The following TESK2 variants were observed in gnomAD, a reference collection of about 807,000 sequenced individuals.
TESK2 encodes the protein dual specificity testis-specific protein kinase 2.
TESK2 carries 39 observed loss-of-function variants against 57.1 expected under a neutral mutation model. That is an observed-to-expected ratio of 0.68 (90% CI 0.53 to 0.89). TESK2 has a LOEUF of 0.89. Ranked by LOEUF, TESK2 falls within the 40% of genes least tolerant of loss-of-function variation. The probability of loss-of-function intolerance (pLI) is 0.00; values close to 1 mark genes in which losing one functional copy is unlikely to be tolerated. For missense variants in TESK2, 646 were observed against 732.1 expected, an observed-to-expected ratio of 0.88 and a Z score of 1.36; for synonymous variants, 249 against 267.9, an observed-to-expected ratio of 0.93 and a Z score of 0.69.
chr1:45,373,796 C>T (rs1648298698), intron 4 of TESK2, among the ~76,000 whole-genome samples: 1 of 152,138 alleles, frequency 6.6e-6, no homozygotes, highest in Admixed American at 6.5e-5. Context: ...GTATCAGGCA[C>T]AGGGATGCAG....
At chr1:45,471,028 C>T (rs1765710) in intron 1 of TESK2, among the ~76,000 whole-genome samples, 30,771 of 151,846 alleles carry the variant, frequency 0.2, 3,384 homozygotes, top group Non-Finnish European at 0.26. Context: ...GTCAGGAGGT[C>T]GAGACCATCC....
chr1:45,396,802 G>GTTGTT (rs1649380733), intron 3 of TESK2, among the ~76,000 whole-genome samples: 1 of 116,868 alleles, frequency 8.6e-6, no homozygotes, highest in Non-Finnish European at 1.7e-5. Context: ...TATCAGCTAA[G>GTTGTT]TTGTTTTTTT....
intron 4 of TESK2, among the ~76,000 whole-genome samples, chr1:45,361,071 G>C (rs979682569): frequency 1.6e-4 from 24 of 152,214 alleles, no homozygotes; most frequent in Admixed American, 1.3e-4. Flanking sequence ...ACCCGCCTCA[G>C]CCTCCCAAAG....
At chr1:45,419,363 CTTAG>C (rs1650371452) in intron 3 of TESK2, among the ~76,000 whole-genome samples, 1 of 152,112 alleles carries the variant, frequency 6.6e-6, no homozygotes, top group Non-Finnish European at 1.5e-5. Context: ...ATGGTGGTGT[CTTAG>C]TTAATTTATT....
At chr1:45,376,467 C>T (rs1410507681) in intron 4 of TESK2, among the ~76,000 whole-genome samples, 1 of 151,910 alleles carries the variant, frequency 6.6e-6, no homozygotes, top group East Asian at 1.9e-4. Context: ...TATCCATCTG[C>T]CTTGGCCTCC....
At chr1:45,487,076 G>A (rs181639919) in intron 1 of TESK2, among the ~76,000 whole-genome samples, 40 of 151,838 alleles carry the variant, frequency 2.6e-4, no homozygotes, top group East Asian at 2.5e-3. Context: ...TGATCCACCC[G>A]CCTTGGCCTC....
At chr1:45,451,461 G>A (rs1041554562) in intron 2 of TESK2, among the ~76,000 whole-genome samples, 6 of 152,174 alleles carry the variant, frequency 3.9e-5, no homozygotes, top group African/African-American at 1.4e-4. Context: ...ATGTGCCCTT[G>A]ATTTGATTTG....
Position 45,344,708 on chromosome 1 carries a change from A to G in TESK2, c.*132T>C, listed in dbSNP as rs1647112664. ...CACAGCCAATGGGCACTGGGAGCCC[A>G]GAAGTTGAGCCTGGCTTGGCCTAGC... On this transcript the variant is annotated 3_prime_UTR_variant, in exon 11 of 11. Transcript: ENST00000372086. 5.9e-6 allele frequency: 5 copies of G among 840,566 alleles called. No homozygotes were observed. Among genetic ancestry groups the G allele is most frequent in the Admixed American group, 5.7e-5 (2 of 35,248 alleles). 52.1% of individuals were successfully genotyped at this position (840,566 alleles called of 1,614,324 possible).
chr1:45,348,108 C>T lies in TESK2; in HGVS notation c.541-108G>A. On this transcript the variant is annotated intron_variant, in intron 5 of 10. Coordinates refer to ENST00000372086, the MANE Select transcript of TESK2 (RefSeq NM_007170.3). ...CTATCACAGGGCACCTTGTCCTCTGCTCCTTGGTGAACCGCACTCAAGCTG... is the reference window on the plus strand; with the variant it reads ...CTATCACAGGGCACCTTGTCCTCTGTTCCTTGGTGAACCGCACTCAAGCTG... The T allele has an allele frequency of 5.1e-6, 4 of 780,552 alleles. 1 individual carries two copies. The South Asian group carries it at 5.9e-5, about 12-fold the overall frequency. The allele number at this position is 780,552 out of a possible 1,614,324, so 48.4% of individuals were successfully genotyped here.
intron 2 of TESK2, among the ~76,000 whole-genome samples, chr1:45,431,683 A>G (rs1244618756): frequency 6.6e-6 from 1 of 152,162 alleles, no homozygotes; most frequent in Non-Finnish European, 1.5e-5. Flanking sequence ...ACCAGTAAAA[A>G]CCTTGCTTGA....
intron 1 of TESK2, among the ~76,000 whole-genome samples, chr1:45,462,520 C>T (rs1415421815): frequency 3.3e-5 from 5 of 152,204 alleles, no homozygotes; most frequent in African/African-American, 4.8e-5. Flanking sequence ...GATCCGCCCA[C>T]CTCGGCCTCC....
intron 2 of TESK2, among the ~76,000 whole-genome samples, chr1:45,441,973 G>A (rs1192933535): frequency 1.3e-5 from 2 of 152,064 alleles, no homozygotes; most frequent in African/African-American, 2.4e-5. Context: ...TTCTGCTCTT[G>A]TTGCCCAAGC....
At chr1:45,399,418 A>G (rs1649508369) in intron 3 of TESK2, among the ~76,000 whole-genome samples, 1 of 151,852 alleles carries the variant, frequency 6.6e-6, no homozygotes, top group South Asian at 2.1e-4. Flanking sequence ...AGGTTCAAGC[A>G]ATTCTCCTGC....
chr1:45,437,923 G>A (rs993220284), intron 2 of TESK2, among the ~76,000 whole-genome samples: 2 of 152,124 alleles, frequency 1.3e-5, no homozygotes, highest in Non-Finnish European at 2.9e-5. Context: ...GGGGTTTGGG[G>A]ATGGTTCTGA....
At chr1:45,476,774 G>A (rs1315639219) in intron 1 of TESK2, among the ~76,000 whole-genome samples, 1 of 151,832 alleles carries the variant, frequency 6.6e-6, no homozygotes, top group Non-Finnish European at 1.5e-5. Context: ...TTGAACATGG[G>A]AGGTGGAGGT....
chr1:45,394,835 C>T (rs1181407709), intron 3 of TESK2, among the ~76,000 whole-genome samples: 1 of 151,416 alleles, frequency 6.6e-6, no homozygotes, highest in East Asian at 1.9e-4. Context: ...GGATTAGAGG[C>T]GGCCACCACA....
intron 2 of TESK2, among the ~76,000 whole-genome samples, chr1:45,444,138 T>TA (rs1415289639): frequency 2.0e-5 from 3 of 149,072 alleles, no homozygotes; most frequent in Non-Finnish European, 3.0e-5. Context: ...ATGATCATGC[T>TA]ACTGCACTCC....
At chr1:45,453,357 A>G (rs952639245) in intron 2 of TESK2, among the ~76,000 whole-genome samples, 15 of 151,424 alleles carry the variant, frequency 9.9e-5, no homozygotes, top group Non-Finnish European at 1.8e-4. Context: ...AAAAAAAAAA[A>G]AAAAAAGAGA....
chr1:45,368,605 C>T (rs965910556), intron 4 of TESK2, among the ~76,000 whole-genome samples: 10 of 151,974 alleles, frequency 6.6e-5, no homozygotes, highest in Admixed American at 5.9e-4. Flanking sequence ...GAACTCCTGA[C>T]CTCAGGTGAT....
Sources: allele counts gnomAD v4.1 joint callset (sites outside exome capture counted in the v4.1 genomes callset), GRCh38; gene constraint gnomAD v4.1.1; transcripts MANE v1.5; gene names NCBI Gene and HGNC (gene_info 2026-07-23, HGNC 2026-07-21).